FAT2: variants seen among roughly 807,000 people sequenced by gnomAD.
FAT2 encodes the protein FAT atypical cadherin 2.
Under a neutral mutation model 295.3 loss-of-function variants are expected in FAT2, and 150 were observed. The observed-to-expected ratio is 0.51, with a 90% CI of 0.44 to 0.58. The LOEUF (loss-of-function observed/expected upper bound fraction) is 0.58. Ranked by LOEUF, FAT2 falls within the 20% of genes least tolerant of loss-of-function variation. The probability of loss-of-function intolerance (pLI) is 0.00; values close to 1 mark genes in which losing one functional copy is unlikely to be tolerated. For synonymous variants in FAT2, 2,026 were observed against 2,150.3 expected (o/e 0.94, Z 1.60); for missense variants, 4,868 against 5,442.7 (o/e 0.89, Z 3.32).
intron 20 of FAT2, among the ~76,000 whole-genome samples, chr5:151,514,086 A>C (rs1001440635): frequency 6.6e-6 from 1 of 152,190 alleles, no homozygotes; most frequent in Non-Finnish European, 1.5e-5. Flanking sequence ...GATCTAACCC[A>C]GTGTTTCTTA....
In FAT2 at chr5:151,567,914, C is replaced by A; in HGVS notation, c.1018G>T (p.Gly340Cys). 1 of 1,613,968 alleles carries A rather than the reference C, an allele frequency of 6.2e-7. No individual in the cohort carries two copies. Among genetic ancestry groups the A allele is most frequent in the East Asian group, 2.2e-5 (1 of 44,870 alleles). The change falls in exon 2 of 24, where the codon GGC (glycine) becomes TGC (cysteine). Residue 340 changes from glycine to cysteine, a missense_variant. Gly to Cys is a radical substitution (Grantham distance 159, BLOSUM62 -3). Around this residue, in one of 5 missense-constraint regions of FAT2, gnomAD observed 3,297 missense variants for 3,669.4 expected, o/e 0.90. Coordinates refer to ENST00000261800, the MANE Select transcript of FAT2 (RefSeq NM_001447.3). ...CTGATCTGGGAATAAAAATAAGGGC[C>A]GCTCCCACTCCTGGCCTGGAGGCTG... is the stretch of plus-strand genomic sequence containing the variant. Reference protein sequence around the residue: ...NLSLQARSGSGPYFYSQIRGF... With the variant: ...NLSLQARSGSCPYFYSQIRGF...
intron 11 of FAT2, among the ~76,000 whole-genome samples, chr5:151,538,878 G>A (rs1419067587): frequency 6.6e-6 from 1 of 151,776 alleles, no homozygotes; most frequent in Non-Finnish European, 1.5e-5. Context: ...TAGAGACGGG[G>A]TTTCACCATG....
chr5:151,592,386 C>T (rs1013255177), upstream of FAT2, among the ~76,000 whole-genome samples: 24 of 152,168 alleles, frequency 1.6e-4, no homozygotes, highest in Non-Finnish European at 1.3e-4. Flanking sequence ...CGCTCCTGCC[C>T]CACAAAACTG....
chr5:151,565,571 T>TGCAGGCTGACTCCTTTTTCCTTCAGCCC (rs1228698960), intron 2 of FAT2, 102 bp downstream of exon 2: 2 of 1,216,230 alleles, frequency 1.6e-6, no homozygotes, highest in Non-Finnish European at 2.2e-6. Flanking sequence ...CATTTCAGCC[T>TGCAGGCTGACTCCTTTTTCCTTCAGCCC]GCAGGCTGAC....
intron 1 of FAT2, among the ~76,000 whole-genome samples, chr5:151,570,224 C>T (rs981608163): frequency 6.6e-6 from 1 of 152,200 alleles, no homozygotes; most frequent in East Asian, 1.9e-4. Flanking sequence ...CTATTTATAC[C>T]TGTTTCACCA....
At chr5:151,580,793 G>T (rs755889558) in intron 1 of FAT2, among the ~76,000 whole-genome samples, 1 of 152,138 alleles carries the variant, frequency 6.6e-6, no homozygotes, top group Non-Finnish European at 1.5e-5. Context: ...AAAATGTCCT[G>T]CACATTCTAT....
intron 19 of FAT2, among the ~76,000 whole-genome samples, chr5:151,518,409 G>A (rs553790213): frequency 1.4e-5 from 2 of 145,218 alleles, no homozygotes; most frequent in East Asian, 2.1e-4. Context: ...GGCCAGAAAT[G>A]TAATGAATCA....
At chr5:151,534,993 A>ATATATATATATATATATATATG (rs1218523714) in intron 12 of FAT2, among the ~76,000 whole-genome samples, 13 of 139,654 alleles carry the variant, frequency 9.3e-5, no homozygotes, top group Admixed American at 5.0e-4. Flanking sequence ...ATATATATAT[A>ATATATATATATATATATATATG]TATGTATACA....
At position 151,529,336 on chromosome 5, in the gene FAT2, A is replaced by G. The variant is rs374159035; in HGVS notation, c.9868T>C (p.Ser3290Pro). 6.2e-7 allele frequency: 1 copy of G among 1,614,130 alleles called. No homozygotes were observed. The highest frequency in any genetic ancestry group is 8.5e-7 in the Non-Finnish European group (1 of 1,180,036). Residue 3290 changes from serine (S) to proline (P), a missense_variant, in exon 15 of 24, where the codon TCC (serine) becomes CCC (proline). Physicochemically the swap from Ser to Pro is moderately conservative, Grantham distance 74. Around this residue, in one of 5 missense-constraint regions of FAT2, gnomAD observed 1,046 missense variants for 1,210.1 expected, o/e 0.86. Coordinates refer to ENST00000261800, the MANE Select transcript of FAT2 (RefSeq NM_001447.3). ...GAGCTCTTCCGGCTGCACTCAATGGACAGGAAGTACTTGGGGCTTGTCTCA... is the reference window on the plus strand; with the variant it reads ...GAGCTCTTCCGGCTGCACTCAATGGGCAGGAAGTACTTGGGGCTTGTCTCA... ...DFETSPKYFL[S>P]IECSRKSSSS...
At chr5:151,556,158 A>G in intron 4 of FAT2, 186 bp downstream of exon 4, 1 of 608,524 alleles carries the variant, frequency 1.6e-6, no homozygotes, top group Non-Finnish European at 2.9e-6. Context: ...ACAGTTTCAG[A>G]CTCCTTCCCT....
rs756607776 is a variant in FAT2 at position 151,512,321 on chromosome 5, C to T, written c.11749G>A (p.Val3917Met). 18 of 1,614,100 alleles carry T rather than the reference C, an allele frequency of 1.1e-5. No homozygotes were observed. The highest frequency in any genetic ancestry group is 1.6e-4 in the Middle Eastern group (1 of 6,084). Residue 3917 changes from valine (V) to methionine (M), a missense_variant, in exon 21 of 24, where the codon GTG (valine) becomes ATG (methionine). By Grantham distance (21) the Val-to-Met change is conservative (BLOSUM62 1). Around this residue, in one of 5 missense-constraint regions of FAT2, gnomAD observed 1,046 missense variants for 1,210.1 expected, o/e 0.86. Transcript: ENST00000261800. The surrounding 1 kb of genome is among the most constrained non-coding windows in gnomAD (Gnocchi z 4.1). ...AGATCTAGAGCCTCTTCGTTGACCA[C>T]GACAGCATCCAGGCAGCCTTCAAAG... ...QGFEGCLDAVVVNEEALDLLA... is the reference protein window; with the variant it reads ...QGFEGCLDAVMVNEEALDLLA...
intron 11 of FAT2, 89 bp downstream of exon 11, chr5:151,540,478 T>G (rs1756016367): frequency 2.5e-6 from 3 of 1,196,450 alleles, no homozygotes; most frequent in South Asian, 3.1e-5. Flanking sequence ...TCAATCTCCC[T>G]TCTCCTGCTC....
chr5:151,556,435 C>T, intron 3 of FAT2, 33 bp from the exon 4 acceptor site: 1 of 1,557,404 alleles, frequency 6.4e-7, no homozygotes, highest in Non-Finnish European at 8.8e-7. Context: ...GAGACATGAG[C>T]AGAAGACTTT....
chr5:151,506,060 G>C lies in FAT2; in HGVS notation c.12555C>G (p.Tyr4185Ter), dbSNP rs754717075. 2 of 1,549,306 alleles carry C rather than the reference G, an allele frequency of 1.3e-6. No homozygotes were observed. Among genetic ancestry groups the C allele is most frequent in the African/African-American group, 2.8e-5 (2 of 72,670 alleles). The change falls in exon 24 of 24, where the codon TAC becomes TAG. Residue 4185 changes from tyrosine (Y) to a stop codon, truncating the protein, a stop_gained. Coordinates refer to ENST00000261800, the MANE Select transcript of FAT2 (RefSeq NM_001447.3). LOFTEE classifies it high-confidence loss of function. Reference protein sequence around the residue: ...PGGAMVWPPTYSRNERWEYPH... With the variant: ...PGGAMVWPPT ...GGTATTCCCAGCGTTCGTTCCTGGA[G>C]TAAGTAGGGGGCCAGACCATGGCTC...
In FAT2 at chr5:151,504,788, C is replaced by T. The variant is rs890190051; in HGVS notation, c.*777G>A. ...GTTCCATGAGGTCTGAATTCTTTAACAAAGAAGGTTCAGAGCTGTGTAGAC... is the reference window on the plus strand; with the variant it reads ...GTTCCATGAGGTCTGAATTCTTTAATAAAGAAGGTTCAGAGCTGTGTAGAC... On this transcript the variant is annotated 3_prime_UTR_variant, in exon 24 of 24. Transcript: ENST00000261800. The T allele has an allele frequency of 2.6e-5, 4 of 152,612 alleles. No individual in the cohort carries two copies. The highest frequency in any genetic ancestry group is 9.7e-5 in the African/African-American group (4 of 41,430). The allele number at this position is 152,612 out of a possible 1,614,324, so 9.5% of individuals were successfully genotyped here. A position where few individuals can be genotyped will look rare whatever the true frequency, so the allele number is the denominator to read the frequency against.
chr5:151,555,484 C>G (rs1757614730), intron 4 of FAT2, among the ~76,000 whole-genome samples: 3 of 151,690 alleles, frequency 2.0e-5, no homozygotes, highest in Admixed American at 2.0e-4. Context: ...GCTTCTCCGC[C>G]TCAGCCTCCC....
chr5:151,542,180 T>A, intron 10 of FAT2, 105 bp downstream of exon 10: 2 of 1,111,190 alleles, frequency 1.8e-6, no homozygotes, highest in Non-Finnish European at 2.6e-6. Flanking sequence ...AAGGTCACAC[T>A]GCTAATAAGT....
chr5:151,548,670 G>A (rs556651724), intron 9 of FAT2, among the ~76,000 whole-genome samples: 8 of 152,194 alleles, frequency 5.3e-5, no homozygotes, highest in South Asian at 2.1e-4. Flanking sequence ...TAGTAGAGAC[G>A]GAGTTTCACC....
rs1554121972 is a variant in FAT2, at chr5:151,507,237, G to A, written c.12434C>T (p.Pro4145Leu). 6.2e-7 allele frequency: 1 copy of A among 1,613,848 alleles called. No individual in the cohort carries two copies. The highest frequency in any genetic ancestry group is 1.7e-5 in the Admixed American group (1 of 59,994). ...SKQRPVVCSV[P>L]PRLPPAAVPS... ...GACCGCAGCTGGCGGGAGTCTGGGG[G>A]GCACACTGCAGACCACTGGCCGTTG... The change falls in exon 23 of 24, where the codon CCC (proline) becomes CTC (leucine). Residue 4145 changes from proline (P) to leucine (L), a missense_variant. This residue lies in a region of FAT2 where 492 missense variants were observed against 482.6 expected (regional missense o/e 1.02). Coordinates refer to ENST00000261800, the MANE Select transcript of FAT2 (RefSeq NM_001447.3).
Sources: gnomAD v4.1 joint callset for allele counts (sites outside exome capture counted in the v4.1 genomes callset) on GRCh38, gnomAD v4.1.1 for gene constraint, gnomAD v4.1.1 regional missense constraint, Gnocchi (gnomAD v3.1) non-coding constraint, MANE v1.5 for transcripts, NCBI Gene and HGNC (gene_info 2026-07-23, HGNC 2026-07-21) for gene names.